NALF1: variants seen among roughly 807,000 people sequenced by gnomAD.
NALF1 encodes family with sequence similarity 155 member A.
A neutral mutation model predicts 48.4 loss-of-function variants in NALF1; 3 were observed. The observed-to-expected ratio is 0.06, with a 90% CI of 0.03 to 0.16. The LOEUF (loss-of-function observed/expected upper bound fraction) is 0.16, where lower values mean the gene tolerates loss of function less well. NALF1 is among the 10% of genes least tolerant of loss of function. The pLI, the probability that NALF1 is intolerant of heterozygous loss-of-function variation, is 1.00. For missense variants in NALF1, 526 were observed against 571.5 expected (o/e 0.92, Z 0.81); for synonymous variants, 262 against 245.7 (o/e 1.07, Z -0.62).
chr13:107,282,691 C>T (rs1881412670), intron 1 of NALF1, among the ~76,000 whole-genome samples: 1 of 152,134 alleles, frequency 6.6e-6, no homozygotes, highest in African/African-American at 2.4e-5. Flanking sequence ...TGATGAGGTC[C>T]TGCGGCCTCT....
chr13:107,833,407 T>C (rs1160819928), intron 1 of NALF1, among the ~76,000 whole-genome samples: 1 of 152,200 alleles, frequency 6.6e-6, no homozygotes, highest in African/African-American at 2.4e-5. Flanking sequence ...ACCTCCTCTT[T>C]TCTTTCTCCA....
chr13:107,727,791 G>A lies in NALF1; in HGVS notation c.915+137891C>T, dbSNP rs147703553. 2.7e-3 allele frequency among the ~76,000 whole-genome samples: 418 copies of A among 152,176 alleles called. 2 individuals are homozygous for A. Among genetic ancestry groups the A allele is most frequent in the African/African-American group, 9.8e-3 (405 of 41,514 alleles). ...TTGCAATCTACCCATCTGACAAAGG[G>A]CTAATATCCAGAATCTATGAGGAAC... On this transcript the variant is annotated intron_variant, in intron 1 of 2. Transcript: ENST00000375915.
intron 1 of NALF1, among the ~76,000 whole-genome samples, chr13:107,738,788 C>T (rs1018126356): frequency 2.8e-4 from 43 of 151,940 alleles, no homozygotes; most frequent in Non-Finnish European, 5.9e-5. Flanking sequence ...CTCAGCCTCC[C>T]GAGTAGGTGG....
intron 1 of NALF1, among the ~76,000 whole-genome samples, chr13:107,463,364 G>C (rs913320043): frequency 2.6e-5 from 4 of 152,148 alleles, no homozygotes; most frequent in African/African-American, 9.7e-5. Flanking sequence ...TGGGCCCAGA[G>C]GGCATTATTC....
rs78519229 is a variant in NALF1 at position 107,184,642 on chromosome 13, G to C, written c.1088-13856C>G. 4.0e-3 allele frequency among the ~76,000 whole-genome samples: 614 copies of C among 152,060 alleles called. 5 individuals are homozygous for C. Among genetic ancestry groups the C allele is most frequent in the Non-Finnish European group, 6.6e-3 (446 of 67,992 alleles). The stretch of plus-strand genomic sequence containing the variant: ...CATTTTCATGTTTTCCTGCATCCTA[G>C]CTAAATTCCGTTTCACTCTTCTTCC... On this transcript the variant is annotated intron_variant, in intron 2 of 2. Transcript: ENST00000375915.
chr13:107,643,542 T>TGGG lies in NALF1; in HGVS notation c.915+222137_915+222139dup, dbSNP rs34793504. Among the ~76,000 whole-genome samples the TGGG allele has an allele frequency of 9.2e-3, 1,180 of 127,890 alleles. 27 individuals carry two copies. In the East Asian group the frequency reaches 0.12, roughly 12 times the overall value. 83.9% of individuals were successfully genotyped at this position (127,890 alleles called of 152,430 possible). ...TAATTTCCATATACAGTGTATTTGG[T>TGGG]GGGGGGGGGGTGAAACGAAATGACA... On this transcript the variant is annotated intron_variant, in intron 1 of 2. Transcript: ENST00000375915.
intron 1 of NALF1, among the ~76,000 whole-genome samples, chr13:107,392,478 C>T (rs1434051257): frequency 2.6e-5 from 4 of 152,122 alleles, no homozygotes; most frequent in South Asian, 2.1e-4. Context: ...AGCCCTCTCA[C>T]GCAGCAATTT....
chr13:107,242,471 G>A (rs1161005352), intron 1 of NALF1, among the ~76,000 whole-genome samples: 2 of 152,132 alleles, frequency 1.3e-5, no homozygotes, highest in African/African-American at 4.8e-5. Context: ...GGGTTTCTTT[G>A]GCCTATCTTA....
At chr13:107,680,711 T>A (rs1881274085) in intron 1 of NALF1, among the ~76,000 whole-genome samples, 1 of 148,750 alleles carries the variant, frequency 6.7e-6, no homozygotes, top group Admixed American at 6.8e-5. Context: ...TGAGAAAGGG[T>A]GGGTGGTGTG....
intron 2 of NALF1, among the ~76,000 whole-genome samples, chr13:107,190,630 C>T (rs1217933916): frequency 6.6e-6 from 1 of 151,976 alleles, no homozygotes; most frequent in South Asian, 2.1e-4. Context: ...TATTTTAAAG[C>T]AAATGTATTA....
intron 2 of NALF1, among the ~76,000 whole-genome samples, chr13:107,173,632 GT>G (rs1165904739): frequency 1.3e-5 from 2 of 152,166 alleles, no homozygotes; most frequent in African/African-American, 4.8e-5. Context: ...TGGATCCCCT[GT>G]TCCCTGTATC....
intron 1 of NALF1, among the ~76,000 whole-genome samples, chr13:107,439,345 C>T (rs1164375875): frequency 6.6e-6 from 1 of 152,184 alleles, no homozygotes; most frequent in Non-Finnish European, 1.5e-5. Flanking sequence ...CATTTGCTAC[C>T]TATAGGACCA....
At chr13:107,672,852 C>G (rs917157811) in intron 1 of NALF1, among the ~76,000 whole-genome samples, 1 of 152,254 alleles carries the variant, frequency 6.6e-6, no homozygotes, top group East Asian at 1.9e-4. Context: ...GTCCCCAACA[C>G]GATGCTCATC....
At chr13:107,303,044 A>G (rs1236981488) in intron 1 of NALF1, among the ~76,000 whole-genome samples, 3 of 152,024 alleles carry the variant, frequency 2.0e-5, no homozygotes, top group African/African-American at 4.8e-5. Context: ...GTCACCTTCT[A>G]TTTTATTTTT....
At chr13:107,391,572 A>T (rs998104114) in intron 1 of NALF1, among the ~76,000 whole-genome samples, 1 of 152,118 alleles carries the variant, frequency 6.6e-6, no homozygotes, top group Non-Finnish European at 1.5e-5. Context: ...GTCTGATAAG[A>T]AACACTTACA....
intron 1 of NALF1, among the ~76,000 whole-genome samples, chr13:107,841,656 A>G (rs551638918): frequency 2.0e-5 from 3 of 152,066 alleles, no homozygotes; most frequent in East Asian, 3.9e-4. Context: ...AAAAAACATA[A>G]GAAGTTTTCA....
intron 1 of NALF1, among the ~76,000 whole-genome samples, chr13:107,436,841 C>A (rs546050067): frequency 6.6e-6 from 1 of 152,148 alleles, no homozygotes; most frequent in Admixed American, 6.6e-5. Flanking sequence ...ATCTATAAAA[C>A]AATTATTAGA....
chr13:107,519,356 G>A (rs923680358), intron 1 of NALF1, among the ~76,000 whole-genome samples: 6 of 92,212 alleles, frequency 6.5e-5, no homozygotes, highest in Non-Finnish European at 1.4e-4. Flanking sequence ...CAGAGGATCC[G>A]GGAGGAGGAA....
At chr13:107,825,812 G>A (rs376199977) in intron 1 of NALF1, among the ~76,000 whole-genome samples, 4 of 151,026 alleles carry the variant, frequency 2.6e-5, no homozygotes, top group South Asian at 4.2e-4. Context: ...AGGCAGTCTC[G>A]CTCTGTCACC....
Sources: allele counts gnomAD v4.1 joint callset (sites outside exome capture counted in the v4.1 genomes callset), GRCh38; gene constraint gnomAD v4.1.1; transcripts MANE v1.5; gene names NCBI Gene and HGNC (gene_info 2026-07-23, HGNC 2026-07-21).